Variants in LGALS8 observed in about 807,000 individuals in gnomAD.
The protein encoded by LGALS8 is galectin 8.
In LGALS8, 30 loss-of-function variants were observed where a neutral mutation model predicts 35.9. The ratio of observed to expected loss-of-function variants is 0.83; its 90% CI spans 0.62 to 1.13. The LOEUF (loss-of-function observed/expected upper bound fraction) is 1.13, where lower values mean the gene tolerates loss of function less well. LGALS8 is among the 50% of genes most tolerant of loss of function. The pLI, the probability that LGALS8 is intolerant of heterozygous loss-of-function variation, is 0.00. For synonymous variants in LGALS8, 138 were observed against 136.1 expected (o/e 1.01, Z -0.10); for missense variants, 366 against 388.7 (o/e 0.94, Z 0.49).
At chr1:236,536,948 T>G (rs1661549522) in intron 2 of LGALS8, among the ~76,000 whole-genome samples, 1 of 151,364 alleles carries the variant, frequency 6.6e-6, no homozygotes, top group East Asian at 1.9e-4. Context: ...AGTATTTACC[T>G]TGTGTCTCTT....
At chr1:236,530,828 T>A (rs77134485) in intron 2 of LGALS8, among the ~76,000 whole-genome samples, 4,854 of 152,356 alleles carry the variant, frequency 0.032, 87 homozygotes, top group Middle Eastern at 0.048. Context: ...ATCATTTTTT[T>A]AAAATTCAAA....
Position 236,533,028 on chromosome 1 carries a change from T to C in LGALS8, c.46-4469T>C, listed in dbSNP as rs945108533. The stretch of plus-strand genomic sequence containing the variant: ...ACGCCAGGCTTATGGCAGCAGTCAG[T>C]CACCCAGATGACCTCCTGACCTCTG... On this transcript the variant is annotated intron_variant, in intron 2 of 9. Transcript: ENST00000366584. Among the ~76,000 whole-genome samples, 6 of 152,326 alleles carry C rather than the reference T, an allele frequency of 3.9e-5. No individual in the cohort carries two copies. The South Asian group carries it at 8.3e-4, about 21-fold the overall frequency.
Position 236,550,858 on chromosome 1 carries a change from A to G in LGALS8, c.*2697A>G, listed in dbSNP as rs112787187. The G allele has an allele frequency of 2.1e-5, 30 of 1,428,682 alleles. No homozygotes were observed. The highest frequency in any genetic ancestry group is 3.6e-4 in the Middle Eastern group (2 of 5,562). The allele number at this position is 1,428,682 out of a possible 1,614,324, so 88.5% of individuals were successfully genotyped here. ...ACACCCAAAAATAAAAATATGAAAT[A>G]TGAGTGTGAACTCTGAGTAGAGTAT... On this transcript the variant is annotated 3_prime_UTR_variant, in exon 10 of 10. Coordinates refer to ENST00000366584, the MANE Select transcript of LGALS8 (RefSeq NM_201544.4).
upstream of LGALS8, among the ~76,000 whole-genome samples, chr1:236,522,210 C>G (rs527284625): frequency 6.6e-6 from 1 of 152,310 alleles, no homozygotes; most frequent in African/African-American, 2.4e-5. Flanking sequence ...CTCTCTGGCC[C>G]TTTCACTCAG....
upstream of LGALS8, among the ~76,000 whole-genome samples, chr1:236,521,545 T>C (rs988873063): frequency 1.3e-5 from 2 of 152,104 alleles, no homozygotes; most frequent in Non-Finnish European, 2.9e-5. Context: ...TAGTAGACGG[T>C]TGGCCGGATG....
At chr1:236,536,493 C>T (rs1661514045) in intron 2 of LGALS8, 1 of 152,344 alleles carries the variant, frequency 6.6e-6, no homozygotes, top group Non-Finnish European at 1.5e-5. Flanking sequence ...CAGGTTGAGA[C>T]CTGAATACTG....
chr1:236,551,050 T>C lies in LGALS8; in HGVS notation c.*2889T>C. On this transcript the variant is annotated 3_prime_UTR_variant, in exon 10 of 10. Coordinates refer to ENST00000366584, the MANE Select transcript of LGALS8 (RefSeq NM_201544.4). The stretch of plus-strand genomic sequence containing the variant: ...TGAGTCAGTCCGCCTGCCTCGGTTC[T>C]CATTAGTTTAATTCTTAATGCCTTG... The C allele has an allele frequency of 2.3e-6, 3 of 1,317,762 alleles. No homozygotes were observed. The highest frequency in any genetic ancestry group is 2.1e-6 in the Non-Finnish European group (2 of 955,912). The allele number at this position is 1,317,762 out of a possible 1,614,324, so 81.6% of individuals were successfully genotyped here.
upstream of LGALS8, among the ~76,000 whole-genome samples, chr1:236,522,841 A>AG (rs1183433784): frequency 6.6e-6 from 1 of 152,226 alleles, no homozygotes; most frequent in African/African-American, 2.4e-5. Context: ...AAAATGGGTA[A>AG]GGAGGAGAGA....
At chr1:236,547,913 T>G in intron 9 of LGALS8, 99 bp from the exon 10 acceptor site, 1 of 1,049,728 alleles carries the variant, frequency 9.5e-7, no homozygotes. Context: ...AACTTTTCTA[T>G]GTATAATCAA....
Position 236,551,782 on chromosome 1 carries a change from G to C in LGALS8, c.*3621G>C, listed in dbSNP as rs1349562943. Reference sequence around the variant, plus strand: ...TTACACTGTAAACGGACTCTCAAATGATCAGGAGGTGGTCACTTCGCAACT... The same window carrying C: ...TTACACTGTAAACGGACTCTCAAATCATCAGGAGGTGGTCACTTCGCAACT... On this transcript the variant is annotated 3_prime_UTR_variant, in exon 10 of 10. Coordinates refer to ENST00000366584, the MANE Select transcript of LGALS8 (RefSeq NM_201544.4). 4 of 508,140 alleles carry C rather than the reference G, an allele frequency of 7.9e-6. No homozygotes were observed. The highest frequency in any genetic ancestry group is 5.3e-4 in the Middle Eastern group (1 of 1,884). 31.5% of individuals were successfully genotyped at this position (508,140 alleles called of 1,614,324 possible).
chr1:236,546,936 C>CTCT (rs1662399611), intron 9 of LGALS8, among the ~76,000 whole-genome samples: 1 of 24,840 alleles, frequency 4.0e-5, no homozygotes, highest in African/African-American at 9.3e-5. Flanking sequence ...TCTTGGCCAG[C>CTCT]TGTTATCAGA....
chr1:236,537,025 T>TTTTTTTTTTTTG (rs1661563376), intron 2 of LGALS8, among the ~76,000 whole-genome samples: 1 of 142,058 alleles, frequency 7.0e-6, no homozygotes, highest in African/African-American at 2.7e-5. Context: ...CAGTTCCTTT[T>TTTTTTTTTTTTG]TTTTTTTTTG....
At position 236,551,105 on chromosome 1, in the gene LGALS8, G is replaced by A; in HGVS notation, c.*2944G>A. 1.3e-6 allele frequency: 1 copy of A among 798,754 alleles called. No individual in the cohort carries two copies. Among genetic ancestry groups the A allele is most frequent in the East Asian group, 2.7e-5 (1 of 36,510 alleles). 49.5% of individuals were successfully genotyped at this position (798,754 alleles called of 1,614,324 possible). On this transcript the variant is annotated 3_prime_UTR_variant, in exon 10 of 10. Transcript: ENST00000366584. Reference sequence around the variant, plus strand: ...TTCCGGCAATCATTCAATCAAAAGAGTGAAATGAAGCACATTAACAAAGCA... The same window carrying A: ...TTCCGGCAATCATTCAATCAAAAGAATGAAATGAAGCACATTAACAAAGCA...
At chr1:236,542,654 A>G (rs1662077347) in intron 6 of LGALS8, 107 bp from the exon 7 acceptor site, 2 of 1,165,586 alleles carry the variant, frequency 1.7e-6, no homozygotes, top group South Asian at 2.5e-5. Context: ...TGGAGCAGGA[A>G]CATCCCAGGC....
chr1:236,521,770 G>A (rs1020691351), upstream of LGALS8, among the ~76,000 whole-genome samples: 1 of 151,712 alleles, frequency 6.6e-6, no homozygotes, highest in African/African-American at 2.4e-5. Flanking sequence ...AGAGGCTGCA[G>A]TGAGCTGAGA....
chr1:236,549,119 C>G lies in LGALS8; in HGVS notation c.*958C>G, dbSNP rs1165497688. On this transcript the variant is annotated 3_prime_UTR_variant, in exon 10 of 10. Coordinates refer to ENST00000366584, the MANE Select transcript of LGALS8 (RefSeq NM_201544.4). ...CCAACTAAGGGACCCACAAAGCAGG[C>G]AGAGGTAATGCAGAAATCTGTTTTG... 6 of 397,224 alleles carry G rather than the reference C, an allele frequency of 1.5e-5. No homozygotes were observed. Among genetic ancestry groups the G allele is most frequent in the Non-Finnish European group, 2.7e-5 (6 of 225,522 alleles). The allele number at this position is 397,224 out of a possible 1,614,324, so 24.6% of individuals were successfully genotyped here. A position where few individuals can be genotyped will look rare whatever the true frequency, so the allele number is the denominator to read the frequency against.
chr1:236,547,413 C>T (rs558320516), intron 9 of LGALS8, among the ~76,000 whole-genome samples: 36 of 152,298 alleles, frequency 2.4e-4, no homozygotes, highest in African/African-American at 6.7e-4. Flanking sequence ...CGGCTTTGGA[C>T]AAACACACTG....
At position 236,537,021 on chromosome 1, in the gene LGALS8, C is replaced by CT. The variant is rs60024224; in HGVS notation, c.46-463dup. On this transcript the variant is annotated intron_variant, in intron 2 of 9. Coordinates refer to ENST00000366584, the MANE Select transcript of LGALS8 (RefSeq NM_201544.4). ...ATCCTGGCCATGAGGTATGCAGTTCCTTTTTTTTTTTTTGAGACGGAGCCT... is the reference window on the plus strand; with the variant it reads ...ATCCTGGCCATGAGGTATGCAGTTCCTTTTTTTTTTTTTTGAGACGGAGCCT... Among the ~76,000 whole-genome samples, 325 of 137,884 alleles carry CT rather than the reference C, an allele frequency of 2.4e-3. 7 individuals are homozygous for CT. Among genetic ancestry groups the CT allele is most frequent in the Non-Finnish European group, 3.9e-3 (257 of 65,950 alleles). 90.5% of individuals were successfully genotyped at this position (137,884 alleles called of 152,430 possible).
chr1:236,520,324 C>A (rs1660515244), upstream of LGALS8, among the ~76,000 whole-genome samples: 1 of 149,204 alleles, frequency 6.7e-6, no homozygotes, highest in South Asian at 2.2e-4. Flanking sequence ...ATTCTTATGG[C>A]AGGTCACTTG....
Sources: gnomAD v4.1 joint callset for allele counts (sites outside exome capture counted in the v4.1 genomes callset) on GRCh38, gnomAD v4.1.1 for gene constraint, MANE v1.5 for transcripts, NCBI Gene and HGNC (gene_info 2026-07-23, HGNC 2026-07-21) for gene names.